TMEM132D: variants seen among roughly 807,000 people sequenced by gnomAD.
TMEM132D encodes the protein mature OL transmembrane protein.
In TMEM132D, 21 loss-of-function variants were observed where a neutral mutation model predicts 62.3. The ratio of observed to expected loss-of-function variants is 0.34; its 90% CI spans 0.24 to 0.49. The LOEUF (loss-of-function observed/expected upper bound fraction) is 0.49. Among genes scored for constraint, TMEM132D ranks in the 20% least tolerant of loss-of-function variants. TMEM132D has a pLI of 0.99. For synonymous variants in TMEM132D, 621 were observed against 575.6 expected (o/e 1.08, Z -1.13); for missense variants, 1,346 against 1,402.8 (o/e 0.96, Z 0.65).
intron 5 of TMEM132D, among the ~76,000 whole-genome samples, chr12:129,165,163 G>A (rs1277706131): frequency 6.6e-6 from 1 of 152,188 alleles, no homozygotes; most frequent in African/African-American, 2.4e-5. Context: ...GGAATAGGCA[G>A]ACTAATCTAT....
chr12:129,705,766 T>G (rs1336069873), intron 1 of TMEM132D, among the ~76,000 whole-genome samples: 2 of 152,034 alleles, frequency 1.3e-5, no homozygotes, highest in Non-Finnish European at 2.9e-5. Context: ...GATAGAGAGT[T>G]TCAAATACAG....
chr12:129,274,652 T>C lies in TMEM132D; in HGVS notation c.1299+62982A>G, dbSNP rs1048823991. ...CTGTAATCCCAGCACTTTGGGAGTCTGAGGCGGGCGGATCACAAGGTCAGG... is the reference window on the plus strand; with the variant it reads ...CTGTAATCCCAGCACTTTGGGAGTCCGAGGCGGGCGGATCACAAGGTCAGG... On this transcript the variant is annotated intron_variant, in intron 4 of 8. Transcript: ENST00000422113. Among the ~76,000 whole-genome samples, 9 of 152,304 alleles carry C rather than the reference T, an allele frequency of 5.9e-5. No individual in the cohort carries two copies. The South Asian group carries it at 1.0e-3, about 18-fold the overall frequency.
intron 4 of TMEM132D, among the ~76,000 whole-genome samples, chr12:129,241,596 T>G (rs752831845): frequency 6.6e-6 from 1 of 152,218 alleles, no homozygotes; most frequent in Non-Finnish European, 1.5e-5. Flanking sequence ...CACCACTTCC[T>G]TGGAGAAGTC....
rs900160539 is a variant in TMEM132D at position 129,310,994 on chromosome 12, C to T, written c.1299+26640G>A. Among the ~76,000 whole-genome samples the T allele has an allele frequency of 4.2e-5, 4 of 95,960 alleles. 1 individual carries two copies. Among genetic ancestry groups the T allele is most frequent in the African/African-American group, 2.1e-4 (4 of 18,778 alleles). 63.0% of individuals were successfully genotyped at this position (95,960 alleles called of 152,430 possible). On this transcript the variant is annotated intron_variant, in intron 4 of 8. Transcript: ENST00000422113. ...CAGGCGGATCACGAGGTCAGGAGAT[C>T]GAGACCATCCTGGCTAACACGGTGA...
At chr12:129,790,594 G>C (rs1221643406) in intron 1 of TMEM132D, among the ~76,000 whole-genome samples, 1 of 152,158 alleles carries the variant, frequency 6.6e-6, no homozygotes, top group African/African-American at 2.4e-5. Context: ...CTCTCCATAA[G>C]TGGAGCCTGG....
At chr12:129,750,942 A>G (rs767834325) in intron 1 of TMEM132D, among the ~76,000 whole-genome samples, 6 of 152,206 alleles carry the variant, frequency 3.9e-5, no homozygotes, top group Non-Finnish European at 8.8e-5. Flanking sequence ...AATATGTACA[A>G]TTACTATGTG....
At chr12:129,500,607 C>A (rs1412168663) in intron 3 of TMEM132D, among the ~76,000 whole-genome samples, 1 of 152,160 alleles carries the variant, frequency 6.6e-6, no homozygotes, top group African/African-American at 2.4e-5. Flanking sequence ...CCTCGTTCAA[C>A]TTTTGATAAA....
At chr12:129,241,478 T>G (rs1879935858) in intron 4 of TMEM132D, among the ~76,000 whole-genome samples, 1 of 152,152 alleles carries the variant, frequency 6.6e-6, no homozygotes, top group African/African-American at 2.4e-5. Context: ...CTGCATGCCC[T>G]CTCCTACGGC....
At chr12:129,153,882 G>A (rs1307673242) in intron 5 of TMEM132D, among the ~76,000 whole-genome samples, 1 of 152,136 alleles carries the variant, frequency 6.6e-6, no homozygotes, top group African/African-American at 2.4e-5. Flanking sequence ...GCTCTGGAAA[G>A]TTTCTCCAGA....
chr12:129,639,030 G>A (rs1396929896), intron 2 of TMEM132D, among the ~76,000 whole-genome samples: 1 of 152,060 alleles, frequency 6.6e-6, no homozygotes, highest in Non-Finnish European at 1.5e-5. Context: ...ACTGGAAATG[G>A]ACTTCAACAG....
rs552215708 is a variant in TMEM132D, at chr12:129,869,770, G to T, written c.79+33491C>A. ...TCAAGTGGAGATTTACGTAAGAGGA[G>T]GTTTAGATGGTTAATGATAACCGTT... On this transcript the variant is annotated intron_variant, in intron 1 of 8. Coordinates refer to ENST00000422113, the MANE Select transcript of TMEM132D (RefSeq NM_133448.3). Among the ~76,000 whole-genome samples, 7 of 152,280 alleles carry T rather than the reference G, an allele frequency of 4.6e-5. No homozygotes were observed. In the East Asian group the frequency reaches 9.7e-4, roughly 21 times the overall value.
chr12:129,617,857 G>T (rs371465134), intron 2 of TMEM132D, among the ~76,000 whole-genome samples: 1 of 152,152 alleles, frequency 6.6e-6, no homozygotes, highest in Non-Finnish European at 1.5e-5. Flanking sequence ...AATACATGGG[G>T]GTTAATATGA....
intron 4 of TMEM132D, among the ~76,000 whole-genome samples, chr12:129,214,150 C>T (rs1305558720): frequency 6.6e-6 from 1 of 152,206 alleles, no homozygotes; most frequent in Non-Finnish European, 1.5e-5. Flanking sequence ...GTCTGGAGAA[C>T]ACTGCTGTGC....
At chr12:129,229,099 G>A (rs1282384251) in intron 4 of TMEM132D, among the ~76,000 whole-genome samples, 3 of 152,296 alleles carry the variant, frequency 2.0e-5, no homozygotes, top group Middle Eastern at 6.8e-3. Context: ...AGCAACACAC[G>A]TGTGATCCAG....
At chr12:129,763,432 C>CTTTTTTTTTTTTTTTTTTTTT in intron 1 of TMEM132D, among the ~76,000 whole-genome samples, 1 of 142,558 alleles carries the variant, frequency 7.0e-6, no homozygotes. Context: ...AGATTTCTGG[C>CTTTTTTTTTTTTTTTTTTTTT]TTTTTTTTTT....
At chr12:129,251,351 C>T (rs546884320) in intron 4 of TMEM132D, among the ~76,000 whole-genome samples, 1 of 88,612 alleles carries the variant, frequency 1.1e-5, no homozygotes, top group African/African-American at 4.9e-5. Context: ...GAGTGAGACA[C>T]TGTCTCAAAA....
At position 129,084,552 on chromosome 12, in the gene TMEM132D, C is replaced by T. The variant is rs545364344; in HGVS notation, c.1594G>A (p.Asp532Asn). 24 of 1,613,398 alleles carry T rather than the reference C, an allele frequency of 1.5e-5. No homozygotes were observed. Among genetic ancestry groups the T allele is most frequent in the East Asian group, 2.2e-5 (1 of 44,872 alleles). The change falls in exon 6 of 9, where the codon GAC (aspartate) becomes AAC (asparagine). Residue 532 changes from aspartate to asparagine, a missense_variant. Transcript: ENST00000422113. ...CCCTTGATCTGATTGAGCTCGGTGT[C>T]GGAGACCTCGATCTGCAGCGGAAGC... ...PRLPLQIEVS[D>N]TELNQIKGWR...
At chr12:129,861,721 T>G (rs1593190441) in intron 1 of TMEM132D, among the ~76,000 whole-genome samples, 1 of 133,774 alleles carries the variant, frequency 7.5e-6, no homozygotes, top group Non-Finnish European at 1.5e-5. Context: ...ACCACTGCAC[T>G]CCAGCCTGGG....
chr12:129,727,502 G>A (rs569122342), intron 1 of TMEM132D, among the ~76,000 whole-genome samples: 7 of 152,004 alleles, frequency 4.6e-5, no homozygotes, highest in African/African-American at 1.7e-4. Context: ...CACAAAATTC[G>A]ACATGAATTT....
Sources: allele counts gnomAD v4.1 joint callset (sites outside exome capture counted in the v4.1 genomes callset), GRCh38; gene constraint gnomAD v4.1.1; transcripts MANE v1.5; gene names NCBI Gene and HGNC (gene_info 2026-07-23, HGNC 2026-07-21).